VPS4B: variants seen among roughly 807,000 people sequenced by gnomAD.
The protein encoded by VPS4B is vacuolar protein sorting 4 homolog B.
Under a neutral mutation model 56.1 loss-of-function variants are expected in VPS4B, and 23 were observed. The observed-to-expected ratio is 0.41, with a 90% confidence interval of 0.30 to 0.58. The LOEUF (loss-of-function observed/expected upper bound fraction) is 0.58, where lower values mean the gene tolerates loss of function less well. VPS4B is among the 20% of genes least tolerant of loss of function. The probability of loss-of-function intolerance (pLI) is 0.29; values close to 1 mark genes in which losing one functional copy is unlikely to be tolerated. For missense variants in VPS4B, 372 were observed against 531.9 expected, an observed-to-expected ratio of 0.70 and a Z score of 2.96; for synonymous variants, 177 against 186.0, an observed-to-expected ratio of 0.95 and a Z score of 0.39.
Position 63,390,162 on chromosome 18 carries a change from C to T in VPS4B, c.*813G>A, listed in dbSNP as rs1355260505. The stretch of plus-strand genomic sequence containing the variant: ...GATCTCAGCTCACTGCAACCTCTGC[C>T]TCCCAGGTTCAAGTGATTCTCCCGC... On this transcript the variant is annotated 3_prime_UTR_variant, in exon 11 of 11. Coordinates refer to ENST00000238497, the MANE Select transcript of VPS4B (RefSeq NM_004869.4). 1 of 152,344 alleles carries T rather than the reference C, an allele frequency of 6.6e-6. No homozygotes were observed. Among genetic ancestry groups the T allele is most frequent in the African/African-American group, 2.4e-5 (1 of 41,456 alleles). The allele number at this position is 152,344 out of a possible 1,614,324, so 9.4% of individuals were successfully genotyped here.
At chr18:63,397,902 G>A (rs1289478194) in intron 8 of VPS4B, among the ~76,000 whole-genome samples, 2 of 152,088 alleles carry the variant, frequency 1.3e-5, no homozygotes, top group Non-Finnish European at 2.9e-5. Context: ...CTAGAGATGG[G>A]TGCAGAATAA....
At chr18:63,408,385 CAA>C (rs1915963306) in intron 3 of VPS4B, among the ~76,000 whole-genome samples, 1 of 152,122 alleles carries the variant, frequency 6.6e-6, no homozygotes, top group Non-Finnish European at 1.5e-5. Flanking sequence ...GTAGACACTG[CAA>C]AAGATTCACA....
chr18:63,400,658 C>T lies in VPS4B; in HGVS notation c.530G>A (p.Gly177Glu). 1 of 1,605,166 alleles carries T rather than the reference C, an allele frequency of 6.2e-7. No individual in the cohort carries two copies. The highest frequency in any genetic ancestry group is 8.5e-7 in the Non-Finnish European group (1 of 1,178,140). The part of the protein sequence containing the change: ...WRGILLFGPP[G>E]TGKSYLAKAV... Reference sequence around the variant, plus strand: ...TTTGGCTAAGTAGGACTTTCCTGTTCCAGGCGGCCCAAATAATAGGATTCC... The same window carrying T: ...TTTGGCTAAGTAGGACTTTCCTGTTTCAGGCGGCCCAAATAATAGGATTCC... The change falls in exon 6 of 11, where the codon GGA becomes GAA. Residue 177 changes from glycine to glutamate, a missense_variant. By Grantham distance (98) the Gly-to-Glu change is moderately conservative. Coordinates refer to ENST00000238497, the MANE Select transcript of VPS4B (RefSeq NM_004869.4).
Position 63,389,392 on chromosome 18 carries a change from G to GCAAC in VPS4B, c.*1579_*1582dup, listed in dbSNP as rs1915491881. On this transcript the variant is annotated 3_prime_UTR_variant, in exon 11 of 11. Transcript: ENST00000238497. ...AACAATCTGTACAGAAAACCCAAAG[G>GCAAC]CAACCACATAGCATATGTAAAATGT... 3 of 152,422 alleles carry GCAAC rather than the reference G, an allele frequency of 2.0e-5. No homozygotes were observed. The Admixed American group carries it at 2.0e-4, about 10-fold the overall frequency. The allele number at this position is 152,422 out of a possible 1,614,324, so 9.4% of individuals were successfully genotyped here.
rs781217222 is a variant in VPS4B at position 63,397,163 on chromosome 18, G to A, written c.963C>T (p.Leu321=). Residue 321 remains leucine (L), a synonymous_variant, in exon 9 of 11, where the codon CTC becomes CTT. Coordinates refer to ENST00000238497, the MANE Select transcript of VPS4B (RefSeq NM_004869.4). The part of the protein sequence containing the change: ...KLHLGTTQNS[L]TEADFRELGR... ...CAAGTTCCCGAAAGTCTGCTTCCGT[G>A]AGACTGTTCTGAGTGGTCCCTAGGT... 1.5e-5 allele frequency: 25 copies of A among 1,614,068 alleles called. No homozygotes were observed. In the Admixed American group the frequency reaches 2.3e-4, roughly 15 times the overall value.
chr18:63,393,095 T>C (rs968707089), intron 10 of VPS4B, among the ~76,000 whole-genome samples: 1 of 152,232 alleles, frequency 6.6e-6, no homozygotes, highest in Non-Finnish European at 1.5e-5. Flanking sequence ...TATTTTTTAG[T>C]TAGGTCTTTA....
At chr18:63,394,193 G>T (rs1040019311) in intron 9 of VPS4B, among the ~76,000 whole-genome samples, 13 of 151,972 alleles carry the variant, frequency 8.6e-5, no homozygotes, top group African/African-American at 3.1e-4. Context: ...TAATCTTAAA[G>T]ACCAAAAACA....
In VPS4B at chr18:63,410,327, C is replaced by T; in HGVS notation, c.259G>A (p.Val87Met). 6.2e-7 allele frequency: 1 copy of T among 1,614,100 alleles called. No individual in the cohort carries two copies. The highest frequency in any genetic ancestry group is 1.1e-5 in the South Asian group (1 of 91,082). ...GCTGGACTCGGCTGTCCTTCTTTCA[C>T]TGGCTTCTGTGCTTTTTTCTCTTTA... ...KNKEKKAQKP[V>M]KEGQPSPADE... The change falls in exon 3 of 11, where the codon GTG becomes ATG. Residue 87 changes from valine (V) to methionine (M), a missense_variant. By Grantham distance (21) the Val-to-Met change is conservative. Coordinates refer to ENST00000238497, the MANE Select transcript of VPS4B (RefSeq NM_004869.4).
intron 2 of VPS4B, among the ~76,000 whole-genome samples, chr18:63,410,903 A>G (rs180999245): frequency 1.4e-4 from 22 of 152,376 alleles, no homozygotes; most frequent in Non-Finnish European, 3.1e-4. Context: ...TCTGTGTAAT[A>G]CCAACATCGT....
Position 63,389,328 on chromosome 18 carries a change from A to G in VPS4B, c.*1647T>C, listed in dbSNP as rs1915490376. The G allele has an allele frequency of 6.5e-6, 1 of 152,744 alleles. No homozygotes were observed. Among genetic ancestry groups the G allele is most frequent in the South Asian group, 2.1e-4 (1 of 4,832 alleles). The allele number at this position is 152,744 out of a possible 1,614,324, so 9.5% of individuals were successfully genotyped here. A position where few individuals can be genotyped will look rare whatever the true frequency, so the allele number is the denominator to read the frequency against. On this transcript the variant is annotated 3_prime_UTR_variant, in exon 11 of 11. Coordinates refer to ENST00000238497, the MANE Select transcript of VPS4B (RefSeq NM_004869.4). ...AATAGGTTATATCAATTTACTTCAC[A>G]TAAGAGCATAATTCAGGCCTTTTCC...
At chr18:63,419,800 G>A (rs1052458547) in intron 1 of VPS4B, among the ~76,000 whole-genome samples, 3 of 152,124 alleles carry the variant, frequency 2.0e-5, no homozygotes, top group Non-Finnish European at 4.4e-5. Context: ...GGTTAACTTC[G>A]GGTTATTGAA....
chr18:63,402,702 A>G (rs1915836830), intron 5 of VPS4B, among the ~76,000 whole-genome samples: 2 of 152,242 alleles, frequency 1.3e-5, no homozygotes, highest in Non-Finnish European at 2.9e-5. Context: ...CCATAAAATG[A>G]GTTCAACCAT....
In VPS4B at chr18:63,414,148, G is replaced by A. The variant is rs185873557; in HGVS notation, c.28-2570C>T. Among the ~76,000 whole-genome samples, 12 of 152,062 alleles carry A rather than the reference G, an allele frequency of 7.9e-5. No homozygotes were observed. The East Asian group carries it at 1.2e-3, about 15-fold the overall frequency. ...TGTAATCCCAGCAGTATGGGAGGCCGAGGAGGGCGGATCACTTGAGGTCAG... is the reference window on the plus strand; with the variant it reads ...TGTAATCCCAGCAGTATGGGAGGCCAAGGAGGGCGGATCACTTGAGGTCAG... On this transcript the variant is annotated intron_variant, in intron 1 of 10. Coordinates refer to ENST00000238497, the MANE Select transcript of VPS4B (RefSeq NM_004869.4).
chr18:63,397,019 A>G lies in VPS4B; in HGVS notation c.1092+15T>C, dbSNP rs1475829611. On this transcript the variant is annotated intron_variant, in intron 9 of 10. Coordinates refer to ENST00000238497, the MANE Select transcript of VPS4B (RefSeq NM_004869.4). ...AAAAAAAAAAGATAGGAAAGGATAGATAAAAATGACTTACCTTTTTAAAAT... is the reference window on the plus strand; with the variant it reads ...AAAAAAAAAAGATAGGAAAGGATAGGTAAAAATGACTTACCTTTTTAAAAT... 1 of 1,609,028 alleles carries G rather than the reference A, an allele frequency of 6.2e-7. No homozygotes were observed. Among genetic ancestry groups the G allele is most frequent in the Non-Finnish European group, 8.5e-7 (1 of 1,176,456 alleles).
chr18:63,419,959 C>T (rs1425029757), intron 1 of VPS4B, among the ~76,000 whole-genome samples: 3 of 152,178 alleles, frequency 2.0e-5, no homozygotes, highest in Non-Finnish European at 4.4e-5. Context: ...GGAAGTTAAT[C>T]ACTACATGAA....
At position 63,390,736 on chromosome 18, in the gene VPS4B, T is replaced by C. The variant is rs909353109; in HGVS notation, c.*239A>G. Reference sequence around the variant, plus strand: ...CTTTTTACTGGGTAATTTCTGTTTTTATGCCGTTCATATATCGCTCATTTC... The same window carrying C: ...CTTTTTACTGGGTAATTTCTGTTTTCATGCCGTTCATATATCGCTCATTTC... On this transcript the variant is annotated 3_prime_UTR_variant, in exon 11 of 11. Coordinates refer to ENST00000238497, the MANE Select transcript of VPS4B (RefSeq NM_004869.4). 3.3e-5 allele frequency: 8 copies of C among 242,750 alleles called. No homozygotes were observed. The highest frequency in any genetic ancestry group is 2.3e-5 in the Non-Finnish European group (3 of 127,690). 15.0% of individuals were successfully genotyped at this position (242,750 alleles called of 1,614,324 possible). A position where few individuals can be genotyped will look rare whatever the true frequency, so the allele number is the denominator to read the frequency against.
At chr18:63,420,072 T>C (rs1045906563) in intron 1 of VPS4B, among the ~76,000 whole-genome samples, 1 of 152,214 alleles carries the variant, frequency 6.6e-6, no homozygotes, top group Non-Finnish European at 1.5e-5. Context: ...TCCTTCCTGC[T>C]TAAGAGTAAC....
At position 63,408,660 on chromosome 18, in the gene VPS4B, T is replaced by G. The variant is rs530892120; in HGVS notation, c.297-1161A>C. 1.1e-3 allele frequency among the ~76,000 whole-genome samples: 164 copies of G among 152,208 alleles called. 1 individual carries two copies. Among genetic ancestry groups the G allele is most frequent in the African/African-American group, 3.8e-3 (156 of 41,548 alleles). ...GCACCATCAGTGCTTAGCAGAGGAG[T>G]TGGCAACAGTGGGATCCCTACTTGA... On this transcript the variant is annotated intron_variant, in intron 3 of 10. Coordinates refer to ENST00000238497, the MANE Select transcript of VPS4B (RefSeq NM_004869.4).
chr18:63,399,405 G>T, intron 7 of VPS4B, 82 bp from the exon 8 acceptor site: 1 of 1,262,264 alleles, frequency 7.9e-7, no homozygotes, highest in Non-Finnish European at 1.1e-6. Context: ...GTTAAGAAAT[G>T]TGGTGCTTTA....
Sources: allele counts gnomAD v4.1 joint callset (sites outside exome capture counted in the v4.1 genomes callset), GRCh38; gene constraint gnomAD v4.1.1; transcripts MANE v1.5; gene names NCBI Gene and HGNC (gene_info 2026-07-23, HGNC 2026-07-21).